Variants in ZNF787 observed in about 807,000 individuals in gnomAD.
The protein encoded by ZNF787 is TTF-I-interacting peptide 20.
Under a neutral mutation model 16.9 loss-of-function variants are expected in ZNF787, and 7 were observed. The observed-to-expected ratio is 0.42, with a 90% CI of 0.24 to 0.78. ZNF787 has a LOEUF of 0.78. Ranked by LOEUF, ZNF787 falls within the 30% of genes least tolerant of loss-of-function variation. ZNF787 has a pLI of 0.30. For missense variants in ZNF787, 551 were observed against 589.3 expected (o/e 0.94, Z 0.67); for synonymous variants, 345 against 270.9 (o/e 1.27, Z -2.69).
intron 2 of ZNF787, among the ~76,000 whole-genome samples, chr19:56,100,770 A>G (rs62122446): frequency 0.11 from 15,175 of 141,574 alleles, 1,021 homozygotes; most frequent in East Asian, 0.3. Flanking sequence ...TCACTGTCAC[A>G]CAGGAGGAAT....
intron 1 of ZNF787, among the ~76,000 whole-genome samples, chr19:56,113,760 G>C (rs1297678406): frequency 6.6e-6 from 1 of 152,152 alleles, no homozygotes; most frequent in Non-Finnish European, 1.5e-5. Flanking sequence ...ATGAAGAACA[G>C]GTTCTAAAAT....
Position 56,087,790 on chromosome 19 carries a change from G to A in ZNF787, c.*233C>T, listed in dbSNP as rs1377126888. 3 of 609,194 alleles carry A rather than the reference G, an allele frequency of 4.9e-6. No individual in the cohort carries two copies. Among genetic ancestry groups the A allele is most frequent in the African/African-American group, 1.9e-5 (1 of 51,300 alleles). 37.7% of individuals were successfully genotyped at this position (609,194 alleles called of 1,614,324 possible). ...CTCCGGCTCGCAGGCCGATAACTTA[G>A]GAAGGGCGGGCCAGGCTGAGGGGGC... On this transcript the variant is annotated 3_prime_UTR_variant, in exon 3 of 3. Transcript: ENST00000610935.
At chr19:56,118,943 G>A (rs960947377) in intron 1 of ZNF787, among the ~76,000 whole-genome samples, 9 of 152,102 alleles carry the variant, frequency 5.9e-5, no homozygotes, top group Non-Finnish European at 1.0e-4. Flanking sequence ...GTTCCTGGTA[G>A]CCAATCCTTC....
intron 2 of ZNF787, among the ~76,000 whole-genome samples, chr19:56,090,746 C>T (rs778923479): frequency 9.2e-5 from 14 of 152,204 alleles, no homozygotes; most frequent in African/African-American, 1.4e-4. Flanking sequence ...GACTTGAACC[C>T]GGGAGGCAGA....
chr19:56,106,504 G>A (rs1986319670), intron 1 of ZNF787, among the ~76,000 whole-genome samples: 1 of 152,260 alleles, frequency 6.6e-6, no homozygotes, highest in South Asian at 2.1e-4. Flanking sequence ...TGTCTTATCA[G>A]AGTTGCCTAC....
Position 56,088,881 on chromosome 19 carries a change from G to A in ZNF787, c.291C>T (p.Ala97=). Residue 97 remains alanine (A), a synonymous_variant, in exon 3 of 3, where the codon GCC becomes GCT. Coordinates refer to ENST00000610935, the MANE Select transcript of ZNF787 (RefSeq NM_001002836.4). The surrounding 1 kb of genome is among the most constrained non-coding windows in gnomAD (Gnocchi z 8.6). The stretch of plus-strand genomic sequence containing the variant: ...TCTGCGAGAAGGTCTTGCCGCAGTC[G>A]GCGCAGGCGTTGGGCCGCTCGCCGG... ...THTGERPNAC[A]DCGKTFSQSS... is the part of the protein sequence containing the mutation. The A allele has an allele frequency of 6.2e-7, 1 of 1,606,868 alleles. No individual in the cohort carries two copies. The highest frequency in any genetic ancestry group is 8.5e-7 in the Non-Finnish European group (1 of 1,176,488).
chr19:56,098,841 G>GGCCGCAGGGTGATGCT (rs1985981000), intron 2 of ZNF787, among the ~76,000 whole-genome samples: 2 of 144,114 alleles, frequency 1.4e-5, no homozygotes, highest in African/African-American at 5.5e-5. Flanking sequence ...AGGGTGATAC[G>GGCCGCAGGGTGATGCT]GCCGCAGGGT....
chr19:56,104,890 AGG>A (rs200827750), intron 1 of ZNF787, among the ~76,000 whole-genome samples: 4,065 of 152,306 alleles, frequency 0.027, 188 homozygotes, highest in African/African-American at 0.093. Context: ...GCACTTTGAG[AGG>A]CCAAAGCAGG....
Position 56,109,801 on chromosome 19 carries a change from G to A in ZNF787, c.-10-6574C>T, listed in dbSNP as rs999527738. Among the ~76,000 whole-genome samples the A allele has an allele frequency of 2.6e-5, 4 of 151,790 alleles. No homozygotes were observed. In the South Asian group the frequency reaches 6.2e-4, roughly 24 times the overall value. ...CGGGAGGCTGAGGCAGGAGAATGGCGTGAACCCGGGAGGCGGAGCTTGCAG... is the reference window on the plus strand; with the variant it reads ...CGGGAGGCTGAGGCAGGAGAATGGCATGAACCCGGGAGGCGGAGCTTGCAG... On this transcript the variant is annotated intron_variant, in intron 1 of 2. Transcript: ENST00000610935.
At chr19:56,113,372 T>G (rs923592629) in intron 1 of ZNF787, among the ~76,000 whole-genome samples, 1 of 152,212 alleles carries the variant, frequency 6.6e-6, no homozygotes, top group South Asian at 2.1e-4. Flanking sequence ...CTCCTTAGTA[T>G]AGACCCGAGA....
At chr19:56,118,354 A>G (rs1287183013) in intron 1 of ZNF787, among the ~76,000 whole-genome samples, 1 of 152,162 alleles carries the variant, frequency 6.6e-6, no homozygotes, top group East Asian at 1.9e-4. Flanking sequence ...AGTACACCCC[A>G]CTAGGCAGGG....
rs370687641 is a variant in ZNF787 at position 56,087,604 on chromosome 19, C to G, written c.*419G>C. On this transcript the variant is annotated 3_prime_UTR_variant, in exon 3 of 3. Coordinates refer to ENST00000610935, the MANE Select transcript of ZNF787 (RefSeq NM_001002836.4). ...GAAAATTCTAAAAGAGAAAAGGGCC[C>G]CTGGTTCTCTTCCCTCTCTGGGATC... 1.3e-5 allele frequency: 2 copies of G among 159,768 alleles called. No individual in the cohort carries two copies. Among genetic ancestry groups the G allele is most frequent in the East Asian group, 1.8e-4 (1 of 5,546 alleles). The allele number at this position is 159,768 out of a possible 1,614,324, so 9.9% of individuals were successfully genotyped here.
rs750228085 is a variant in ZNF787, at chr19:56,088,262, C to T, written c.910G>A (p.Gly304Arg). The part of the protein sequence containing the change: ...GLLAHQRAQH[G>R]DGLGAAGGEE... ...CCCCCCGCCGCCCCGAGCCCGTCCC[C>T]GTGCTGGGCCCGCTGGTGCGCCAGG... Residue 304 changes from glycine (G) to arginine (R), a missense_variant, in exon 3 of 3, where the codon GGG (glycine) becomes AGG (arginine). This residue lies in a region of ZNF787 where 392 missense variants were observed against 312.7 expected (regional missense o/e 1.25). Coordinates refer to ENST00000610935, the MANE Select transcript of ZNF787 (RefSeq NM_001002836.4). The surrounding 1 kb of genome is among the most constrained non-coding windows in gnomAD (Gnocchi z 8.6). The T allele has an allele frequency of 2.1e-6, 3 of 1,438,134 alleles. No individual in the cohort carries two copies. The highest frequency in any genetic ancestry group is 2.6e-5 in the Admixed American group (1 of 37,976). 89.1% of individuals were successfully genotyped at this position (1,438,134 alleles called of 1,614,324 possible).
intron 1 of ZNF787, among the ~76,000 whole-genome samples, chr19:56,116,355 T>C (rs954965931): frequency 6.6e-6 from 1 of 151,880 alleles, no homozygotes; most frequent in Non-Finnish European, 1.5e-5. Flanking sequence ...GGCAGGAGAA[T>C]GGCATAAACC....
At chr19:56,096,043 G>A (rs932965563) in intron 2 of ZNF787, among the ~76,000 whole-genome samples, 1 of 152,046 alleles carries the variant, frequency 6.6e-6, no homozygotes, top group African/African-American at 2.4e-5. Flanking sequence ...TTTTTATGCA[G>A]GGATACAGGA....
intron 1 of ZNF787, among the ~76,000 whole-genome samples, chr19:56,118,337 C>T (rs779559598): frequency 6.6e-6 from 1 of 152,124 alleles, no homozygotes; most frequent in Admixed American, 6.5e-5. Context: ...TAGGAGTCCT[C>T]GTGGACAGTA....
In ZNF787 at chr19:56,090,736, G is replaced by T. The variant is rs375300093; in HGVS notation, c.80-1644C>A. On this transcript the variant is annotated intron_variant, in intron 2 of 2. Transcript: ENST00000610935. The stretch of plus-strand genomic sequence containing the variant: ...ACTTGGAAGGCTGAGGCAGGAGAAT[G>T]ACTTGAACCCGGGAGGCAGAGGTTG... Among the ~76,000 whole-genome samples the T allele has an allele frequency of 3.3e-4, 51 of 152,302 alleles. No individual in the cohort carries two copies. The East Asian group carries it at 8.7e-3, about 26-fold the overall frequency.
At chr19:56,097,815 T>C (rs923647779) in intron 2 of ZNF787, among the ~76,000 whole-genome samples, 7 of 152,084 alleles carry the variant, frequency 4.6e-5, no homozygotes, top group Non-Finnish European at 1.0e-4. Context: ...CACAGCACCC[T>C]GCTGTGCCAC....
At chr19:56,096,903 T>G (rs1985895301) in intron 2 of ZNF787, among the ~76,000 whole-genome samples, 1 of 152,134 alleles carries the variant, frequency 6.6e-6, no homozygotes. Flanking sequence ...TGAACAGCTC[T>G]GAGGCTGCCT....
Sources: allele counts gnomAD v4.1 joint callset (sites outside exome capture counted in the v4.1 genomes callset), GRCh38; gene constraint gnomAD v4.1.1; regional missense constraint gnomAD v4.1.1; non-coding constraint Gnocchi (gnomAD v3.1); transcripts MANE v1.5; gene names NCBI Gene and HGNC (gene_info 2026-07-23, HGNC 2026-07-21).